Variants in SPATA6 observed in about 807,000 individuals in gnomAD.
The protein encoded by SPATA6 is spermatogenesis-associated protein 6.
Under a neutral mutation model 65.3 loss-of-function variants are expected in SPATA6, and 56 were observed. The observed-to-expected ratio is 0.86, with a 90% CI of 0.69 to 1.07. The LOEUF (loss-of-function observed/expected upper bound fraction) is 1.07. Ranked by LOEUF, SPATA6 falls within the 50% of genes least tolerant of loss-of-function variation. The probability of loss-of-function intolerance (pLI) is 0.00; values close to 1 mark genes in which losing one functional copy is unlikely to be tolerated. For synonymous variants in SPATA6, 199 were observed against 213.2 expected, an observed-to-expected ratio of 0.93 and a Z score of 0.58; for missense variants, 590 against 594.8, an observed-to-expected ratio of 0.99 and a Z score of 0.08.
At chr1:48,356,516 T>C (rs1049008843) in intron 10 of SPATA6, among the ~76,000 whole-genome samples, 2 of 146,082 alleles carry the variant, frequency 1.4e-5, no homozygotes, top group African/African-American at 2.5e-5. Context: ...CTTTCTTTTT[T>C]TTTTTTTTTT....
At chr1:48,336,443 G>C (rs72891594) in intron 11 of SPATA6, among the ~76,000 whole-genome samples, 3,751 of 151,992 alleles carry the variant, frequency 0.025, 99 homozygotes, top group African/African-American at 0.067. Context: ...GGAATACTAC[G>C]CAATCCTAAA....
intron 11 of SPATA6, among the ~76,000 whole-genome samples, chr1:48,331,647 T>C (rs1054225112): frequency 1.3e-5 from 2 of 152,186 alleles, no homozygotes; most frequent in African/African-American, 4.8e-5. Flanking sequence ...CTGGAAAACA[T>C]ATTTCACAGT....
intron 3 of SPATA6, chr1:48,435,948 T>C: frequency 2.5e-6 from 4 of 1,587,452 alleles, no homozygotes; most frequent in Non-Finnish European, 3.5e-6. Flanking sequence ...TCACTTTCTG[T>C]GTGAACTAAA....
At chr1:48,376,580 A>T (rs1208707988) in intron 9 of SPATA6, among the ~76,000 whole-genome samples, 1 of 151,642 alleles carries the variant, frequency 6.6e-6, no homozygotes, top group Non-Finnish European at 1.5e-5. Context: ...CTAATTTTTA[A>T]ATTACTCTAG....
intron 9 of SPATA6, among the ~76,000 whole-genome samples, chr1:48,362,257 GAAAAAGAAA>G (rs1364183217): frequency 6.6e-6 from 1 of 151,038 alleles, no homozygotes; most frequent in Admixed American, 6.6e-5. Context: ...CTGTCTCAAA[GAAAAAGAAA>G]AAAAAGAAAA....
At chr1:48,430,505 G>A (rs1381271726) in intron 3 of SPATA6, among the ~76,000 whole-genome samples, 6 of 152,042 alleles carry the variant, frequency 3.9e-5, no homozygotes, top group African/African-American at 7.2e-5. Flanking sequence ...GAAATGAAAG[G>A]ACCCTAGACA....
At chr1:48,445,521 G>T in intron 3 of SPATA6, among the ~76,000 whole-genome samples, 1 of 151,890 alleles carries the variant, frequency 6.6e-6, no homozygotes, top group Non-Finnish European at 1.5e-5. Context: ...TTAGCCGGGC[G>T]TGGTGGCAGG....
the SPATA6 span, among the ~76,000 whole-genome samples, chr1:48,274,600 C>A: frequency 2.0e-5 from 3 of 152,160 alleles, no homozygotes; most frequent in African/African-American, 4.8e-5. Context: ...AATAGGAAAT[C>A]ATTTCCCCAT....
At chr1:48,300,272 AG>A (rs1270251109) in intron 12 of SPATA6, among the ~76,000 whole-genome samples, 2 of 152,188 alleles carry the variant, frequency 1.3e-5, no homozygotes, top group African/African-American at 4.8e-5. Context: ...ACCTTCTTCA[AG>A]GTCAATGAAA....
intron 11 of SPATA6, among the ~76,000 whole-genome samples, chr1:48,330,341 A>G (rs1456800094): frequency 1.3e-5 from 2 of 152,222 alleles, no homozygotes; most frequent in African/African-American, 2.4e-5. Context: ...GACGCCTGCT[A>G]GAGCCTCTGG....
chr1:48,264,198 T>C, the SPATA6 span, among the ~76,000 whole-genome samples: 1 of 152,176 alleles, frequency 6.6e-6, no homozygotes, highest in Non-Finnish European at 1.5e-5. Context: ...TCAATCATAT[T>C]ATGAAAATGG....
intron 11 of SPATA6, among the ~76,000 whole-genome samples, chr1:48,345,489 C>A (rs1209275487): frequency 6.6e-6 from 1 of 151,942 alleles, no homozygotes; most frequent in African/African-American, 2.4e-5. Context: ...CAAGAAATAA[C>A]CAAAATCAGA....
In SPATA6 at chr1:48,366,854, C is replaced by T. The variant is rs142023041; in HGVS notation, c.910-7084G>A. On this transcript the variant is annotated intron_variant, in intron 9 of 12. Transcript: ENST00000371847. ...TTCTGCTAGCTTTTGAATGTGTTTG[C>T]TCTTGCTTTTCCAGTTCTTTTAATT... Among the ~76,000 whole-genome samples, 532 of 152,128 alleles carry T rather than the reference C, an allele frequency of 3.5e-3. 10 individuals are homozygous for T. Among genetic ancestry groups the T allele is most frequent in the Admixed American group, 0.03 (461 of 15,284 alleles).
intron 11 of SPATA6, among the ~76,000 whole-genome samples, chr1:48,322,897 C>T (rs753929065): frequency 1.7e-4 from 26 of 152,042 alleles, no homozygotes; most frequent in Non-Finnish European, 2.9e-4. Context: ...GTTAGAATGG[C>T]GATCATTAAA....
chr1:48,337,990 A>G (rs988368409), intron 11 of SPATA6, among the ~76,000 whole-genome samples: 1 of 152,048 alleles, frequency 6.6e-6, no homozygotes, highest in African/African-American at 2.4e-5. Flanking sequence ...GGAAATTAAA[A>G]GAACCAAGAA....
chr1:48,284,007 A>G, the SPATA6 span, among the ~76,000 whole-genome samples: 2 of 152,000 alleles, frequency 1.3e-5, no homozygotes, highest in African/African-American at 4.8e-5. Flanking sequence ...TCTCCTGGAT[A>G]ATATCCTGAA....
intron 11 of SPATA6, among the ~76,000 whole-genome samples, chr1:48,336,842 T>G (rs985296073): frequency 4.6e-5 from 7 of 151,938 alleles, no homozygotes; most frequent in African/African-American, 1.4e-4. Flanking sequence ...AATCTTCATA[T>G]CATTCAGTTT....
the SPATA6 span, among the ~76,000 whole-genome samples, chr1:48,280,073 TG>T: frequency 6.7e-6 from 1 of 149,308 alleles, no homozygotes; most frequent in Non-Finnish European, 1.5e-5. Context: ...AACCTGCTCC[TG>T]AATGACTACT....
chr1:48,425,154 G>A (rs1653718412), intron 3 of SPATA6, among the ~76,000 whole-genome samples: 1 of 152,012 alleles, frequency 6.6e-6, no homozygotes, highest in Admixed American at 6.6e-5. Context: ...ATACATTTTG[G>A]TTTGGTTTTT....
Sources: allele counts gnomAD v4.1 joint callset (sites outside exome capture counted in the v4.1 genomes callset), GRCh38; gene constraint gnomAD v4.1.1; transcripts MANE v1.5; gene names NCBI Gene and HGNC (gene_info 2026-07-23, HGNC 2026-07-21).